The following AFF3 variants were observed in gnomAD, a reference collection of about 807,000 sequenced individuals.
AFF3 encodes the protein AF4/FMR2 family member 3.
A neutral mutation model predicts 129.7 loss-of-function variants in AFF3; 32 were observed. That is an observed-to-expected ratio of 0.25 (90% CI 0.19 to 0.33). AFF3 has a LOEUF of 0.33. AFF3 is among the 10% of genes least tolerant of loss of function. The pLI is 1.00. For missense variants in AFF3, 1,373 were observed against 1,592.0 expected, an observed-to-expected ratio of 0.86 and a Z score of 2.34; for synonymous variants, 644 against 635.4, an observed-to-expected ratio of 1.01 and a Z score of -0.20.
intron 7 of AFF3, among the ~76,000 whole-genome samples, chr2:99,856,807 ATATAAG>A (rs1216050315): frequency 6.6e-6 from 1 of 152,168 alleles, no homozygotes; most frequent in Non-Finnish European, 1.5e-5. Flanking sequence ...ATTAAATTAT[ATATAAG>A]TATGTTAATG....
At chr2:99,768,281 A>G (rs970378331) in intron 8 of AFF3, among the ~76,000 whole-genome samples, 16 of 152,212 alleles carry the variant, frequency 1.1e-4, no homozygotes, top group Non-Finnish European at 5.9e-5. Context: ...ACCCCCCAGG[A>G]TCCTAACACC....
chr2:99,977,216 G>T (rs2104473616), intron 7 of AFF3, among the ~76,000 whole-genome samples: 1 of 152,298 alleles, frequency 6.6e-6, no homozygotes, highest in East Asian at 1.9e-4. Flanking sequence ...CTATGGGTTT[G>T]ACTGGCATGT....
chr2:99,908,992 T>C (rs1283846926), intron 7 of AFF3, among the ~76,000 whole-genome samples: 1 of 152,186 alleles, frequency 6.6e-6, no homozygotes, highest in Admixed American at 6.5e-5. Flanking sequence ...ACTGGGTATA[T>C]ACCCAAAGGA....
At chr2:99,627,238 G>A (rs1458540729) in intron 13 of AFF3, among the ~76,000 whole-genome samples, 3 of 149,846 alleles carry the variant, frequency 2.0e-5, no homozygotes, top group African/African-American at 7.4e-5. Flanking sequence ...GCTAACATCT[G>A]TTTTTTTTTG....
In AFF3 at chr2:99,713,848, G is replaced by A. The variant is rs144152272; in HGVS notation, c.1091+13229C>T. ...TGAGTAGCTGGGATTACAGGCGCCC[G>A]CTACCATGCCCGGCTAATTTTCTTG... On this transcript the variant is annotated intron_variant, in intron 11 of 24. Transcript: ENST00000672756. Among the ~76,000 whole-genome samples the A allele has an allele frequency of 5.7e-3, 870 of 151,866 alleles. 16 individuals are homozygous for A. Among genetic ancestry groups the A allele is most frequent in the East Asian group, 0.027 (136 of 5,124 alleles).
At position 99,593,949 on chromosome 2, in the gene AFF3, G is replaced by T; in HGVS notation, c.1712C>A (p.Pro571His). 4.2e-6 allele frequency: 6 copies of T among 1,438,928 alleles called. No homozygotes were observed. Among genetic ancestry groups the T allele is most frequent in the Non-Finnish European group, 5.5e-6 (6 of 1,097,226 alleles). 89.1% of individuals were successfully genotyped at this position (1,438,928 alleles called of 1,614,324 possible). The part of the protein sequence containing the change: ...AAPPPAVPCA[P>H]AENAPAPARR... ...GGCAGGCGCGGGCGCGTTCTCCGCG[G>T]GCGCACAGGGCACTGCGGGTGGCGG... is the stretch of plus-strand genomic sequence containing the variant. Residue 571 changes from proline to histidine, a missense_variant, in exon 15 of 25, where the codon CCC becomes CAC. Transcript: ENST00000672756.
At chr2:100,086,980 G>A (rs1689492283) in intron 4 of AFF3, among the ~76,000 whole-genome samples, 1 of 152,236 alleles carries the variant, frequency 6.6e-6, no homozygotes, top group Non-Finnish European at 1.5e-5. Context: ...CCCCACAGTG[G>A]AGCTGAAGCT....
chr2:99,865,365 CAG>C (rs1279677442), intron 7 of AFF3, among the ~76,000 whole-genome samples: 1 of 152,142 alleles, frequency 6.6e-6, no homozygotes, highest in African/African-American at 2.4e-5. Context: ...GCTCTAGAGA[CAG>C]AGAGTGGTGA....
intron 4 of AFF3, among the ~76,000 whole-genome samples, chr2:100,074,044 A>C (rs1688401693): frequency 6.6e-6 from 1 of 152,146 alleles, no homozygotes; most frequent in Non-Finnish European, 1.5e-5. Context: ...ACTGCGAACG[A>C]CCACCACCCC....
intron 8 of AFF3, among the ~76,000 whole-genome samples, chr2:99,759,090 A>G (rs1169859937): frequency 6.6e-6 from 1 of 152,160 alleles, no homozygotes; most frequent in African/African-American, 2.4e-5. Context: ...CTCAAACATC[A>G]TTTGTGTCTT....
intron 5 of AFF3, 182 bp from the exon 6 acceptor site, chr2:100,007,642 A>T (rs1235065893): frequency 9.4e-6 from 6 of 636,144 alleles, no homozygotes; most frequent in Non-Finnish European, 1.4e-5. Flanking sequence ...ATGCACCAGA[A>T]CAGGAAGCCT....
At chr2:99,814,120 G>T (rs573024894) in intron 8 of AFF3, among the ~76,000 whole-genome samples, 165 of 152,258 alleles carry the variant, frequency 1.1e-3, no homozygotes, top group African/African-American at 3.9e-3. Context: ...TTTCTTGGGG[G>T]AAAGTTGCTG....
chr2:99,997,303 C>T (rs943033823), intron 7 of AFF3, among the ~76,000 whole-genome samples: 2 of 152,148 alleles, frequency 1.3e-5, no homozygotes, highest in African/African-American at 4.8e-5. Flanking sequence ...ACATAGTTTT[C>T]CTCATCTCAG....
At chr2:99,877,369 C>T (rs910299237) in intron 7 of AFF3, among the ~76,000 whole-genome samples, 2 of 152,130 alleles carry the variant, frequency 1.3e-5, no homozygotes, top group Non-Finnish European at 2.9e-5. Context: ...CCTTCAGGTA[C>T]AGATGTCTAC....
intron 12 of AFF3, among the ~76,000 whole-genome samples, chr2:99,657,169 C>T (rs1311350755): frequency 2.6e-5 from 4 of 152,126 alleles, no homozygotes; most frequent in African/African-American, 9.7e-5. Flanking sequence ...CAGAGCTGAA[C>T]GGGGTCAGCA....
chr2:99,924,439 T>C (rs2106263878), intron 7 of AFF3, among the ~76,000 whole-genome samples: 1 of 152,224 alleles, frequency 6.6e-6, no homozygotes, highest in East Asian at 1.9e-4. Flanking sequence ...AGCTCCTACT[T>C]ACAATTCATG....
intron 11 of AFF3, among the ~76,000 whole-genome samples, chr2:99,711,703 A>G (rs1269415194): frequency 6.6e-6 from 1 of 152,234 alleles, no homozygotes; most frequent in South Asian, 2.1e-4. Flanking sequence ...AGTATCCTGC[A>G]TTCCTTCATT....
chr2:100,004,880 A>G (rs1681819681), intron 7 of AFF3, among the ~76,000 whole-genome samples: 1 of 151,770 alleles, frequency 6.6e-6, no homozygotes. Context: ...GAACCCACCC[A>G]CCAATTTTTA....
At chr2:99,716,593 T>C (rs1678408945) in intron 11 of AFF3, among the ~76,000 whole-genome samples, 1 of 151,576 alleles carries the variant, frequency 6.6e-6, no homozygotes. Context: ...TATATATATA[T>C]ATATATAGGC....
Sources: allele counts gnomAD v4.1 joint callset (sites outside exome capture counted in the v4.1 genomes callset), GRCh38; gene constraint gnomAD v4.1.1; transcripts MANE v1.5; gene names NCBI Gene and HGNC (gene_info 2026-07-23, HGNC 2026-07-21).